Variants in NEK11 observed in about 807,000 individuals in gnomAD.
NEK11 encodes NIMA related kinase 11.
In NEK11, 72 loss-of-function variants were observed where a neutral mutation model predicts 80.7. That is an observed-to-expected ratio of 0.89 (90% CI 0.74 to 1.08). NEK11 has a LOEUF of 1.08. Among genes scored for constraint, NEK11 ranks in the 50% least tolerant of loss-of-function variants. The pLI is 0.00. For missense variants in NEK11, 764 were observed against 763.6 expected (o/e 1.00, Z -0.01); for synonymous variants, 251 against 260.7 (o/e 0.96, Z 0.36).
intron 7 of NEK11, 21 bp downstream of exon 7, chr3:131,133,977 G>A (rs201787959): frequency 1.1e-4 from 167 of 1,574,558 alleles, no homozygotes; most frequent in Middle Eastern, 5.1e-4. Flanking sequence ...TAGTGGGCTA[G>A]ACTCTTCATC....
intron 3 of NEK11, among the ~76,000 whole-genome samples, chr3:131,061,565 C>T (rs2070873298): frequency 6.6e-6 from 1 of 152,072 alleles, no homozygotes; most frequent in Non-Finnish European, 1.5e-5. Flanking sequence ...TGTTTCATTT[C>T]CCTACTCTTG....
Position 131,170,802 on chromosome 3 carries a change from GC to G in NEK11, c.1316del (p.Pro439LeufsTer18). The G allele has an allele frequency of 6.2e-7, 1 of 1,614,046 alleles. No individual in the cohort carries two copies. The highest frequency in any genetic ancestry group is 8.5e-7 in the Non-Finnish European group (1 of 1,179,912). ...ESDEPTLENL[P>X]ESQPIPSMDL... ...CTGATGAACCAACTTTAGAGAACCTGCCTGAGTCTCAGCCTATTCCTTCCAT... is the reference window on the plus strand; with the variant it reads ...CTGATGAACCAACTTTAGAGAACCTGCTGAGTCTCAGCCTATTCCTTCCAT... On this transcript the variant is annotated frameshift_variant, in exon 14 of 18. Transcript: ENST00000383366. LOFTEE classifies it high-confidence loss of function.
At chr3:131,331,269 CAA>C (rs1425910029) in intron 17 of NEK11, among the ~76,000 whole-genome samples, 1 of 152,184 alleles carries the variant, frequency 6.6e-6, no homozygotes, top group East Asian at 1.9e-4. Flanking sequence ...TAGCATTCAG[CAA>C]AGAGGCAGTT....
chr3:131,224,385 A>G (rs190703574), intron 14 of NEK11, among the ~76,000 whole-genome samples: 3 of 152,004 alleles, frequency 2.0e-5, no homozygotes, highest in Admixed American at 2.0e-4. Flanking sequence ...GCGCCACCAC[A>G]CCCAGCTAAT....
intron 17 of NEK11, among the ~76,000 whole-genome samples, chr3:131,302,957 T>A (rs2096678123): frequency 6.6e-6 from 1 of 152,132 alleles, no homozygotes; most frequent in Non-Finnish European, 1.5e-5. Flanking sequence ...AAGTCTCTCA[T>A]TATTATTGTG....
At chr3:131,093,538 C>T (rs1370389003) in intron 4 of NEK11, among the ~76,000 whole-genome samples, 1 of 152,104 alleles carries the variant, frequency 6.6e-6, no homozygotes, top group Non-Finnish European at 1.5e-5. Context: ...ATTCTCCTGC[C>T]TCTGAGTAGC....
intron 16 of NEK11, among the ~76,000 whole-genome samples, chr3:131,252,322 A>G (rs147347837): frequency 6.6e-6 from 1 of 152,248 alleles, no homozygotes; most frequent in Non-Finnish European, 1.5e-5. Flanking sequence ...TGTATCTTCT[A>G]CAAACATCTT....
At chr3:131,121,381 G>T (rs977730361) in intron 5 of NEK11, among the ~76,000 whole-genome samples, 2 of 152,232 alleles carry the variant, frequency 1.3e-5, no homozygotes, top group Non-Finnish European at 2.9e-5. Flanking sequence ...GCTGTAGGAG[G>T]TGTCTGTTGG....
At chr3:131,341,255 T>C (rs1171576851) in intron 17 of NEK11, among the ~76,000 whole-genome samples, 1 of 152,230 alleles carries the variant, frequency 6.6e-6, no homozygotes, top group Non-Finnish European at 1.5e-5. Flanking sequence ...AAAATGAGTT[T>C]GTTTATGGAA....
intron 14 of NEK11, among the ~76,000 whole-genome samples, chr3:131,211,319 G>C (rs1374108356): frequency 1.3e-5 from 2 of 152,188 alleles, no homozygotes; most frequent in Admixed American, 1.3e-4. Context: ...GGCTTGTAGA[G>C]TTTCTGCTGA....
At chr3:131,205,898 T>G (rs1421129486) in intron 14 of NEK11, among the ~76,000 whole-genome samples, 3 of 152,220 alleles carry the variant, frequency 2.0e-5, no homozygotes, top group Admixed American at 2.0e-4. Flanking sequence ...GGGAGTTTTC[T>G]TATCAGTTTT....
At chr3:131,051,856 A>G (rs1450423104) in intron 3 of NEK11, among the ~76,000 whole-genome samples, 1 of 152,072 alleles carries the variant, frequency 6.6e-6, no homozygotes, top group African/African-American at 2.4e-5. Context: ...GTAGAGTAAA[A>G]CATTTGCATG....
chr3:131,322,568 G>A (rs2096908220), intron 17 of NEK11, among the ~76,000 whole-genome samples: 1 of 152,130 alleles, frequency 6.6e-6, no homozygotes, highest in Admixed American at 6.6e-5. Flanking sequence ...ATGCAAACCA[G>A]AGCCTGTGTT....
At chr3:131,252,389 C>A (rs1310264326) in intron 16 of NEK11, among the ~76,000 whole-genome samples, 1 of 152,118 alleles carries the variant, frequency 6.6e-6, no homozygotes, top group African/African-American at 2.4e-5. Context: ...ATACACATGT[C>A]CTTTCTGGTA....
At chr3:131,176,696 C>T (rs557621116) in intron 14 of NEK11, among the ~76,000 whole-genome samples, 6 of 152,256 alleles carry the variant, frequency 3.9e-5, no homozygotes, top group Admixed American at 3.9e-4. Flanking sequence ...GCCCAACAAG[C>T]CACTTTGACA....
intron 17 of NEK11, among the ~76,000 whole-genome samples, chr3:131,304,315 A>G (rs573783443): frequency 2.6e-5 from 4 of 152,150 alleles, no homozygotes; most frequent in African/African-American, 7.2e-5. Context: ...GTATTGTTTT[A>G]TTGTATTCCT....
At chr3:131,179,928 T>C (rs55677605) in intron 14 of NEK11, among the ~76,000 whole-genome samples, 32,441 of 152,048 alleles carry the variant, frequency 0.21, 3,825 homozygotes, top group African/African-American at 0.32. Flanking sequence ...AGGCTACACT[T>C]GCTGCTGTAA....
chr3:131,262,765 C>T (rs2095953648), intron 16 of NEK11, among the ~76,000 whole-genome samples: 1 of 152,100 alleles, frequency 6.6e-6, no homozygotes. Context: ...CTGCACCCAT[C>T]AGCCCGTCAT....
chr3:131,203,803 A>G lies in NEK11; in HGVS notation c.1400-24725A>G, dbSNP rs867656237. Among the ~76,000 whole-genome samples, 90 of 25,158 alleles carry G rather than the reference A, an allele frequency of 3.6e-3. 4 individuals carry two copies. The highest frequency in any genetic ancestry group is 0.01 in the African/African-American group (54 of 5,180). 16.5% of individuals were successfully genotyped at this position (25,158 alleles called of 152,430 possible). A position where few individuals can be genotyped will look rare whatever the true frequency, so the allele number is the denominator to read the frequency against. On this transcript the variant is annotated intron_variant, in intron 14 of 17. Transcript: ENST00000383366. ...TATATATATATATATATATATATAT[A>G]TATATATATATATATATATATATAA...
Sources: allele counts gnomAD v4.1 joint callset (sites outside exome capture counted in the v4.1 genomes callset), GRCh38; gene constraint gnomAD v4.1.1; transcripts MANE v1.5; gene names NCBI Gene and HGNC (gene_info 2026-07-23, HGNC 2026-07-21).